The following BAIAP2L1 variants were observed in gnomAD, a reference collection of about 807,000 sequenced individuals.
BAIAP2L1 encodes the protein BAR/IMD domain containing adaptor protein 2 like 1, also known as BAR/IMD domain-containing adapter protein 2-like 1.
BAIAP2L1 carries 35 observed loss-of-function variants against 66.3 expected under a neutral mutation model. The observed-to-expected ratio is 0.53, with a 90% confidence interval of 0.40 to 0.70. The LOEUF (loss-of-function observed/expected upper bound fraction) is 0.70, where lower values mean the gene tolerates loss of function less well. Among genes scored for constraint, BAIAP2L1 ranks in the 30% least tolerant of loss-of-function variants. The pLI, the probability that BAIAP2L1 is intolerant of heterozygous loss-of-function variation, is 0.00. For synonymous variants in BAIAP2L1, 269 were observed against 248.7 expected, an observed-to-expected ratio of 1.08 and a Z score of -0.77; for missense variants, 622 against 656.9, an observed-to-expected ratio of 0.95 and a Z score of 0.58.
intron 1 of BAIAP2L1, among the ~76,000 whole-genome samples, chr7:98,392,412 C>T (rs1253407258): frequency 2.0e-5 from 3 of 152,140 alleles, no homozygotes; most frequent in African/African-American, 7.2e-5. Context: ...ATGCAGACAA[C>T]AGCATCATTT....
At chr7:98,341,127 T>A (rs934201411) in intron 3 of BAIAP2L1, among the ~76,000 whole-genome samples, 3 of 152,066 alleles carry the variant, frequency 2.0e-5, no homozygotes, top group Non-Finnish European at 4.4e-5. Flanking sequence ...ATCATGTGCT[T>A]GCTTCCAGGA....
intron 1 of BAIAP2L1, among the ~76,000 whole-genome samples, chr7:98,378,624 T>G (rs868304329): frequency 2.6e-5 from 4 of 152,168 alleles, no homozygotes; most frequent in South Asian, 2.1e-4. Context: ...AGAAACTACA[T>G]GTAATCAAGG....
Position 98,292,676 on chromosome 7 carries a change from A to G in BAIAP2L1, c.*845T>C, listed in dbSNP as rs754969151. 2.4e-4 allele frequency: 369 copies of G among 1,550,768 alleles called. 2 individuals are homozygous for G. The highest frequency in any genetic ancestry group is 2.0e-5 in the Non-Finnish European group (23 of 1,146,980). The stretch of plus-strand genomic sequence containing the variant: ...ATCCTGGCTTTACACGTATCCTTTG[A>G]GAGTCTGTACCTGATTCAAACACGG... On this transcript the variant is annotated 3_prime_UTR_variant, in exon 14 of 14. Transcript: ENST00000005260.
chr7:98,375,729 C>G (rs1344598076), intron 1 of BAIAP2L1, among the ~76,000 whole-genome samples: 1 of 106,890 alleles, frequency 9.4e-6, no homozygotes, highest in African/African-American at 3.5e-5. Flanking sequence ...GCGACAAAAG[C>G]GAAAGTCCAT....
intron 3 of BAIAP2L1, among the ~76,000 whole-genome samples, chr7:98,329,197 T>G (rs1411232422): frequency 2.0e-5 from 3 of 151,922 alleles, no homozygotes; most frequent in South Asian, 2.1e-4. Flanking sequence ...GCTAAACAAA[T>G]GGAAACAAGC....
At chr7:98,384,769 G>A (rs1252358584) in intron 1 of BAIAP2L1, among the ~76,000 whole-genome samples, 1 of 149,018 alleles carries the variant, frequency 6.7e-6, no homozygotes, top group Non-Finnish European at 1.5e-5. Context: ...CACGATCTCG[G>A]CTCACTGCAA....
chr7:98,296,631 C>CA (rs531324458), intron 12 of BAIAP2L1, among the ~76,000 whole-genome samples: 156 of 151,970 alleles, frequency 1.0e-3, no homozygotes, highest in Admixed American at 4.5e-3. Context: ...CTGTAAAAAA[C>CA]AAAAAAACAA....
rs569442035 is a variant in BAIAP2L1, at chr7:98,339,556, C to T, written c.214+15486G>A. On this transcript the variant is annotated intron_variant, in intron 3 of 13. Transcript: ENST00000005260. Reference sequence around the variant, plus strand: ...CCCACCAGAACTGTCTACCCTCCACCGTGGCACCATGGTGTGCCCGGGAAT... The same window carrying T: ...CCCACCAGAACTGTCTACCCTCCACTGTGGCACCATGGTGTGCCCGGGAAT... Among the ~76,000 whole-genome samples, 8 of 152,334 alleles carry T rather than the reference C, an allele frequency of 5.3e-5. No individual in the cohort carries two copies. In the East Asian group the frequency reaches 7.7e-4, roughly 15 times the overall value.
At chr7:98,308,163 C>CA in intron 9 of BAIAP2L1, 1 of 608,544 alleles carries the variant, frequency 1.6e-6, no homozygotes. Context: ...GGCCCAAGGA[C>CA]AAGGCGGTGT....
At chr7:98,298,436 C>T (rs937961052) in intron 12 of BAIAP2L1, among the ~76,000 whole-genome samples, 1 of 152,164 alleles carries the variant, frequency 6.6e-6, no homozygotes, top group African/African-American at 2.4e-5. Flanking sequence ...CACGGTGAAA[C>T]CCCATCTCTA....
At chr7:98,344,197 T>C (rs777687324) in intron 3 of BAIAP2L1, among the ~76,000 whole-genome samples, 16 of 152,064 alleles carry the variant, frequency 1.1e-4, no homozygotes, top group Non-Finnish European at 1.8e-4. Flanking sequence ...CAAACAACTT[T>C]CTTTACAAGC....
chr7:98,401,073 G>T lies in BAIAP2L1; in HGVS notation c.-221C>A, dbSNP rs1182786557. The T allele has an allele frequency of 2.6e-6, 1 of 380,812 alleles. No homozygotes were observed. Among genetic ancestry groups the T allele is most frequent in the Non-Finnish European group, 4.6e-6 (1 of 219,458 alleles). 23.6% of individuals were successfully genotyped at this position (380,812 alleles called of 1,614,324 possible). A position where few individuals can be genotyped will look rare whatever the true frequency, so the allele number is the denominator to read the frequency against. On this transcript the variant is annotated 5_prime_UTR_variant, in exon 1 of 14. Coordinates refer to ENST00000005260, the MANE Select transcript of BAIAP2L1 (RefSeq NM_018842.5). ...CTTCTTCGAGGAGCAGAGGAGAAGCGGCCGGACGCCGCCAGAGGAAGCTGG... is the reference window on the plus strand; with the variant it reads ...CTTCTTCGAGGAGCAGAGGAGAAGCTGCCGGACGCCGCCAGAGGAAGCTGG...
chr7:98,306,330 A>G, intron 11 of BAIAP2L1, 109 bp downstream of exon 11: 1 of 1,315,954 alleles, frequency 7.6e-7, no homozygotes, highest in Admixed American at 1.7e-5. Flanking sequence ...AGTCCACGAG[A>G]GCTGAGGCTT....
In BAIAP2L1 at chr7:98,291,695, T is replaced by G. The variant is rs917377786; in HGVS notation, c.*1826A>C. On this transcript the variant is annotated 3_prime_UTR_variant, in exon 14 of 14. Transcript: ENST00000005260. Reference sequence around the variant, plus strand: ...TTATTAAAGTTGTAATCCCTTGATATTTACAGAGCAGGCACCTCGGTGCCA... The same window carrying G: ...TTATTAAAGTTGTAATCCCTTGATAGTTACAGAGCAGGCACCTCGGTGCCA... 2 of 253,952 alleles carry G rather than the reference T, an allele frequency of 7.9e-6. No homozygotes were observed. Among genetic ancestry groups the G allele is most frequent in the Non-Finnish European group, 1.3e-5 (2 of 158,254 alleles). The allele number at this position is 253,952 out of a possible 1,614,324, so 15.7% of individuals were successfully genotyped here.
At chr7:98,373,804 C>T (rs1802563206) in intron 1 of BAIAP2L1, among the ~76,000 whole-genome samples, 1 of 152,176 alleles carries the variant, frequency 6.6e-6, no homozygotes, top group South Asian at 2.1e-4. Flanking sequence ...CAGGTATCTC[C>T]AGGAACCTCC....
intron 5 of BAIAP2L1, among the ~76,000 whole-genome samples, chr7:98,317,834 C>T (rs111617070): frequency 3.3e-5 from 5 of 151,456 alleles, no homozygotes; most frequent in African/African-American, 4.9e-5. Flanking sequence ...ACTGTCACCC[C>T]GTAGTTCACA....
chr7:98,351,647 G>A (rs546937250), intron 3 of BAIAP2L1, among the ~76,000 whole-genome samples: 1 of 152,316 alleles, frequency 6.6e-6, no homozygotes, highest in East Asian at 1.9e-4. Context: ...ATGAGGATGA[G>A]AAGACAGAGA....
intron 11 of BAIAP2L1, among the ~76,000 whole-genome samples, chr7:98,304,925 G>A (rs968474462): frequency 6.6e-6 from 1 of 150,486 alleles, no homozygotes; most frequent in Non-Finnish European, 1.5e-5. Context: ...GAGTGCAGTG[G>A]CGCGATCTTG....
In BAIAP2L1 at chr7:98,324,608, C is replaced by T. The variant is rs141786693; in HGVS notation, c.215-4310G>A. Among the ~76,000 whole-genome samples the T allele has an allele frequency of 5.3e-3, 811 of 152,154 alleles. 3 individuals carry two copies. Among genetic ancestry groups the T allele is most frequent in the Admixed American group, 0.013 (202 of 15,276 alleles). ...GGTAGCTCAAGTCCCAGCACTTTTT[C>T]GGGTTCAGGCGGGAGGATCGCTTGA... On this transcript the variant is annotated intron_variant, in intron 3 of 13. Transcript: ENST00000005260.
Sources: allele counts gnomAD v4.1 joint callset (sites outside exome capture counted in the v4.1 genomes callset), GRCh38; gene constraint gnomAD v4.1.1; transcripts MANE v1.5; gene names NCBI Gene and HGNC (gene_info 2026-07-23, HGNC 2026-07-21).